NPAS2: variants seen among roughly 807,000 people sequenced by gnomAD.
NPAS2 encodes the protein neuronal PAS domain protein 2.
Under a neutral mutation model 107.5 loss-of-function variants are expected in NPAS2, and 23 were observed. The observed-to-expected ratio is 0.21, with a 90% CI of 0.15 to 0.30. NPAS2 has a LOEUF of 0.30. Ranked by LOEUF, NPAS2 falls within the 10% of genes least tolerant of loss-of-function variation. The pLI, the probability that NPAS2 is intolerant of heterozygous loss-of-function variation, is 1.00. For synonymous variants in NPAS2, 403 were observed against 417.5 expected, an observed-to-expected ratio of 0.97 and a Z score of 0.42; for missense variants, 756 against 1,043.3, an observed-to-expected ratio of 0.72 and a Z score of 3.79.
At chr2:100,920,617 A>ACC (rs541698710) in intron 2 of NPAS2, among the ~76,000 whole-genome samples, 358 of 152,284 alleles carry the variant, frequency 2.4e-3, no homozygotes, top group Admixed American at 6.9e-3. Context: ...CTCATCACAG[A>ACC]GCTGCTGGCC....
chr2:100,918,624 A>G (rs1683033217), intron 2 of NPAS2, among the ~76,000 whole-genome samples: 1 of 152,240 alleles, frequency 6.6e-6, no homozygotes, highest in Non-Finnish European at 1.5e-5. Context: ...GAGGGTCTAC[A>G]GATGTCAAAA....
rs114559970 is a variant in NPAS2 at position 100,910,888 on chromosome 2, G to T, written c.32+6102G>T. ...CTGAGCCCAGTGATGCCCCCAAACCGCATGGCCTCAGCATGCAGGGATGCT... is the reference window on the plus strand; with the variant it reads ...CTGAGCCCAGTGATGCCCCCAAACCTCATGGCCTCAGCATGCAGGGATGCT... On this transcript the variant is annotated intron_variant, in intron 2 of 20. Transcript: ENST00000335681. 2.7e-3 allele frequency among the ~76,000 whole-genome samples: 417 copies of T among 152,224 alleles called. 4 individuals are homozygous for T. Among genetic ancestry groups the T allele is most frequent in the African/African-American group, 9.8e-3 (406 of 41,540 alleles).
At chr2:100,843,406 C>A (rs540319745) in intron 1 of NPAS2, among the ~76,000 whole-genome samples, 3 of 152,164 alleles carry the variant, frequency 2.0e-5, no homozygotes, top group Admixed American at 6.5e-5. Flanking sequence ...AGCCAAACAG[C>A]AATATAGTTT....
intron 4 of NPAS2, among the ~76,000 whole-genome samples, chr2:100,933,691 A>G (rs1274629982): frequency 6.6e-6 from 1 of 152,230 alleles, no homozygotes; most frequent in African/African-American, 2.4e-5. Context: ...GCAGATAAGC[A>G]TAAGCCTCTA....
intron 1 of NPAS2, among the ~76,000 whole-genome samples, chr2:100,872,845 C>T (rs1179386101): frequency 6.6e-6 from 1 of 152,148 alleles, no homozygotes; most frequent in African/African-American, 2.4e-5. Flanking sequence ...CCCTAACCCC[C>T]TACCACCTTG....
At chr2:100,964,391 G>T (rs1347981750) in intron 8 of NPAS2, among the ~76,000 whole-genome samples, 2 of 152,180 alleles carry the variant, frequency 1.3e-5, no homozygotes, top group East Asian at 3.9e-4. Context: ...ATCGCTTGCT[G>T]TTCAGCCCGC....
intron 7 of NPAS2, among the ~76,000 whole-genome samples, chr2:100,959,060 C>T (rs1213484685): frequency 7.2e-6 from 1 of 138,074 alleles, no homozygotes; most frequent in African/African-American, 2.7e-5. Flanking sequence ...TGAGACCAGC[C>T]TGGGCAACAT....
At chr2:100,922,903 G>C (rs1185925050) in intron 2 of NPAS2, among the ~76,000 whole-genome samples, 1 of 152,124 alleles carries the variant, frequency 6.6e-6, no homozygotes. Context: ...TTGAAGACGA[G>C]AACAGAGCAG....
intron 15 of NPAS2, among the ~76,000 whole-genome samples, chr2:100,981,783 A>C (rs1334839127): frequency 1.3e-5 from 2 of 152,198 alleles, no homozygotes; most frequent in East Asian, 3.9e-4. Flanking sequence ...GGACCCAAAA[A>C]TGCCTGTGAA....
At chr2:100,929,359 CA>C (rs1683796064) in intron 3 of NPAS2, among the ~76,000 whole-genome samples, 1 of 152,220 alleles carries the variant, frequency 6.6e-6, no homozygotes, top group Non-Finnish European at 1.5e-5. Context: ...GGCTGCTCCA[CA>C]AGGGGTGATC....
intron 17 of NPAS2, chr2:100,988,600 A>AC: frequency 2.8e-6 from 1 of 359,662 alleles, no homozygotes; most frequent in South Asian, 2.7e-5. Context: ...CATCCCAGAG[A>AC]CCCACTGGCA....
At position 100,995,441 on chromosome 2, in the gene NPAS2, G is replaced by A. The variant is rs750075301; in HGVS notation, c.2334G>A (p.Ser778=). The A allele has an allele frequency of 2.5e-5, 40 of 1,613,802 alleles. 1 individual carries two copies. Among genetic ancestry groups the A allele is most frequent in the South Asian group, 1.9e-4 (17 of 91,062 alleles). ...PTSLHSEQQD[S]LLLSTYSQQP... is the part of the protein sequence containing the mutation. ...CTTTGCACAGTGAGCAGCAGGACTC[G>A]CTACTTCTCTCCACCTACTCACAAC... The change falls in exon 21 of 21, where the codon TCG becomes TCA. Residue 778 remains serine (S), a synonymous_variant. Coordinates refer to ENST00000335681, the MANE Select transcript of NPAS2 (RefSeq NM_002518.4).
intron 1 of NPAS2, among the ~76,000 whole-genome samples, chr2:100,891,272 G>A (rs1681051240): frequency 6.6e-6 from 1 of 151,818 alleles, no homozygotes; most frequent in Non-Finnish European, 1.5e-5. Flanking sequence ...GGAGAAGGTA[G>A]ATGGTGCAAC....
rs140194536 is a variant in NPAS2, at chr2:100,918,467, A to G, written c.33-6679A>G. 5.9e-4 allele frequency among the ~76,000 whole-genome samples: 90 copies of G among 152,326 alleles called. No homozygotes were observed. In the East Asian group the frequency reaches 0.016, roughly 27 times the overall value. On this transcript the variant is annotated intron_variant, in intron 2 of 20. Transcript: ENST00000335681. The stretch of plus-strand genomic sequence containing the variant: ...TATTAAGAGATTGAAAAGGCAAGCT[A>G]TAGTCGGGTAGAAAATACTGACAAA...
At chr2:100,945,821 CCCCAGGAGTCT>C (rs1674859241) in intron 5 of NPAS2, among the ~76,000 whole-genome samples, 1 of 152,200 alleles carries the variant, frequency 6.6e-6, no homozygotes, top group African/African-American at 2.4e-5. Context: ...GGAAATTGTT[CCCCAGGAGTCT>C]CCTCTACCCT....
chr2:100,949,299 G>A (rs1267020086), intron 6 of NPAS2, 68 bp from the exon 7 acceptor site: 6 of 890,658 alleles, frequency 6.7e-6, no homozygotes, highest in South Asian at 4.0e-5. Context: ...TCACAGAGAC[G>A]CTACTTGTTT....
Position 100,918,068 on chromosome 2 carries a change from T to TTATATA in NPAS2, c.33-7074_33-7069dup, listed in dbSNP as rs140489215. ...GCAAATTATATCCAACTATATATAT[T>TTATATA]TATATATATTTTAAATTACAATCAA... On this transcript the variant is annotated intron_variant, in intron 2 of 20. Transcript: ENST00000335681. 5.5e-4 allele frequency among the ~76,000 whole-genome samples: 82 copies of TTATATA among 149,400 alleles called. 1 individual carries two copies. The Middle Eastern group carries it at 0.01, about 19-fold the overall frequency.
chr2:100,821,130 G>A (rs1322561490), intron 1 of NPAS2: 1 of 1,304,712 alleles, frequency 7.7e-7, no homozygotes, highest in Non-Finnish European at 1.0e-6. Context: ...ACCAGGGAAG[G>A]GACAGGCACC....
intron 1 of NPAS2, among the ~76,000 whole-genome samples, chr2:100,851,958 C>G (rs1678202278): frequency 1.3e-5 from 2 of 152,150 alleles, no homozygotes; most frequent in South Asian, 4.1e-4. Flanking sequence ...CAGGTAGACC[C>G]TGGTGGAGGA....
Sources: gnomAD v4.1 joint callset for allele counts (sites outside exome capture counted in the v4.1 genomes callset) on GRCh38, gnomAD v4.1.1 for gene constraint, MANE v1.5 for transcripts, NCBI Gene and HGNC (gene_info 2026-07-23, HGNC 2026-07-21) for gene names.